Variants in DENND4C observed in about 807,000 individuals in gnomAD.
DENND4C encodes the protein DENN domain containing 4C, also known as DENN domain-containing protein 4C.
In DENND4C, 108 loss-of-function variants were observed where a neutral mutation model predicts 203.0. That is an observed-to-expected ratio of 0.53 (90% confidence interval 0.46 to 0.62). The LOEUF is 0.62. DENND4C is among the 20% of genes least tolerant of loss of function. The pLI is 0.00. For synonymous variants in DENND4C, 871 were observed against 792.4 expected (o/e 1.10, Z -1.67); for missense variants, 2,481 against 2,301.2 (o/e 1.08, Z -1.60).
rs1407866130 is a variant in DENND4C, at chr9:19,296,154, CT to C, written c.949del (p.Ser317HisfsTer60). On this transcript the variant is annotated frameshift_variant, in exon 6 of 33. Transcript: ENST00000434457. LOFTEE classifies it high-confidence loss of function. ...INTNKCICLL[S>X]HWPFFEAFRK... The stretch of plus-strand genomic sequence containing the variant: ...ATACAAACAAATGCATTTGTTTACT[CT>C]CACACTGGCCTTTTTTTGAAGCTTT... The C allele has an allele frequency of 6.2e-7, 1 of 1,614,008 alleles. No homozygotes were observed.
At chr9:19,248,801 T>C (rs1825861723) in intron 1 of DENND4C, among the ~76,000 whole-genome samples, 2 of 99,310 alleles carry the variant, frequency 2.0e-5, no homozygotes, top group South Asian at 9.8e-4. Flanking sequence ...ATAGCACCTA[T>C]GGTTTTTTTT....
intron 1 of DENND4C, among the ~76,000 whole-genome samples, chr9:19,263,354 GTTTGTTTA>G (rs942335735): frequency 6.6e-6 from 1 of 151,888 alleles, no homozygotes; most frequent in African/African-American, 2.4e-5. Flanking sequence ...TTTTTTGTTT[GTTTGTTTA>G]TTTGTTTTTT....
At chr9:19,335,541 A>T (rs943244941) in intron 18 of DENND4C, among the ~76,000 whole-genome samples, 1 of 151,786 alleles carries the variant, frequency 6.6e-6, no homozygotes, top group Admixed American at 6.6e-5. Flanking sequence ...TGGTAACCAT[A>T]CTTCTAGTCT....
intron 1 of DENND4C, among the ~76,000 whole-genome samples, chr9:19,254,712 GT>G (rs1416572748): frequency 1.3e-5 from 2 of 152,196 alleles, no homozygotes; most frequent in Admixed American, 1.3e-4. Context: ...ACTATGGGTG[GT>G]GGTGTTGATT....
chr9:19,313,089 G>GT (rs1380434061), intron 10 of DENND4C, among the ~76,000 whole-genome samples: 5 of 151,686 alleles, frequency 3.3e-5, no homozygotes, highest in African/African-American at 7.3e-5. Context: ...GAATTATTCT[G>GT]TTTTTTTCCC....
chr9:19,357,205 T>C, intron 27 of DENND4C, 51 bp downstream of exon 27: 1 of 1,593,010 alleles, frequency 6.3e-7, no homozygotes, highest in Non-Finnish European at 8.6e-7. Context: ...GGGGTACCCT[T>C]GTAAAAATTC....
At chr9:19,369,094 G>C (rs987341427) in intron 30 of DENND4C, among the ~76,000 whole-genome samples, 1 of 152,198 alleles carries the variant, frequency 6.6e-6, no homozygotes, top group East Asian at 1.9e-4. Flanking sequence ...AGGTTACAAT[G>C]ATCAGCCACT....
intron 1 of DENND4C, among the ~76,000 whole-genome samples, chr9:19,260,468 G>A (rs1354613449): frequency 6.6e-6 from 1 of 151,932 alleles, no homozygotes; most frequent in African/African-American, 2.4e-5. Context: ...CATGATCTCG[G>A]CTTACTGCAA....
intron 31 of DENND4C, among the ~76,000 whole-genome samples, chr9:19,370,648 G>A (rs1027724568): frequency 6.6e-6 from 1 of 152,156 alleles, no homozygotes; most frequent in African/African-American, 2.4e-5. Flanking sequence ...GGACATAAGA[G>A]AATATGGGAA....
Position 19,357,119 on chromosome 9 carries a change from C to G in DENND4C, c.4929C>G (p.Ile1643Met). ...NFMDFPKHNQ[I>M]ITEETGSAVE... ...TGGACTTCCCAAAACATAACCAGAT[C>G]ATAACTGAAGAAACAGGCTCTGCAG... Residue 1643 changes from isoleucine to methionine, a missense_variant, in exon 27 of 33, where the codon ATC (isoleucine) becomes ATG (methionine). Ile to Met is a conservative substitution (Grantham distance 10, BLOSUM62 1). This residue lies in a region of DENND4C where 2,289 missense variants were observed against 2,113.3 expected (regional missense o/e 1.08). Transcript: ENST00000434457. 1 of 1,613,850 alleles carries G rather than the reference C, an allele frequency of 6.2e-7. No homozygotes were observed. The highest frequency in any genetic ancestry group is 1.1e-5 in the South Asian group (1 of 91,070).
chr9:19,242,603 G>T (rs546238979), intron 1 of DENND4C, among the ~76,000 whole-genome samples: 48 of 151,310 alleles, frequency 3.2e-4, no homozygotes, highest in African/African-American at 9.9e-4. Context: ...CAGTTTTTTT[G>T]ATTGTAGCTA....
At chr9:19,267,749 G>A (rs540908516) in intron 1 of DENND4C, among the ~76,000 whole-genome samples, 1 of 151,906 alleles carries the variant, frequency 6.6e-6, no homozygotes, top group Non-Finnish European at 1.5e-5. Flanking sequence ...ATCTTGCCCA[G>A]GCTAGTCTCA....
At position 19,263,575 on chromosome 9, in the gene DENND4C, T is replaced by C. The variant is rs146652682; in HGVS notation, c.-17-12583T>C. The stretch of plus-strand genomic sequence containing the variant: ...GGTTTCACCCTGTTGGCCAAGCTGG[T>C]CTTGAATTAGGTTTGCTATTGTTTT... On this transcript the variant is annotated intron_variant, in intron 1 of 32. Transcript: ENST00000434457. Among the ~76,000 whole-genome samples the C allele has an allele frequency of 5.6e-3, 847 of 152,122 alleles. 3 individuals are homozygous for C. Among genetic ancestry groups the C allele is most frequent in the Non-Finnish European group, 8.0e-3 (543 of 67,990 alleles).
At chr9:19,371,443 G>T in intron 31 of DENND4C, 1 of 184,240 alleles carries the variant, frequency 5.4e-6, no homozygotes, top group Non-Finnish European at 1.1e-5. Flanking sequence ...TTGTTGAAAT[G>T]TAATAAAGTT....
intron 23 of DENND4C, among the ~76,000 whole-genome samples, chr9:19,349,221 A>C (rs1293984191): frequency 1.3e-5 from 2 of 152,076 alleles, no homozygotes; most frequent in East Asian, 3.9e-4. Context: ...AGCATGGGCA[A>C]CATGGTGAAA....
At chr9:19,363,300 G>A (rs552937148) in intron 30 of DENND4C, among the ~76,000 whole-genome samples, 1 of 152,102 alleles carries the variant, frequency 6.6e-6, no homozygotes, top group East Asian at 1.9e-4. Flanking sequence ...TGGATCACGA[G>A]GTCAGGAGTT....
chr9:19,261,539 A>G (rs553035878), intron 1 of DENND4C, among the ~76,000 whole-genome samples: 13 of 150,586 alleles, frequency 8.6e-5, no homozygotes, highest in Non-Finnish European at 1.3e-4. Flanking sequence ...GTCTCACACT[A>G]TTGTACAGGC....
intron 1 of DENND4C, among the ~76,000 whole-genome samples, chr9:19,254,914 C>G (rs1417736247): frequency 6.7e-6 from 1 of 149,854 alleles, no homozygotes; most frequent in Admixed American, 6.6e-5. Context: ...TGTAGATCAT[C>G]TTGAGGTCAG....
chr9:19,366,779 A>G (rs1373988865), intron 30 of DENND4C, among the ~76,000 whole-genome samples: 1 of 152,224 alleles, frequency 6.6e-6, no homozygotes, highest in Non-Finnish European at 1.5e-5. Flanking sequence ...GTAAATCTTC[A>G]TGACTCCGTG....
Sources: allele counts gnomAD v4.1 joint callset (sites outside exome capture counted in the v4.1 genomes callset), GRCh38; gene constraint gnomAD v4.1.1; regional missense constraint gnomAD v4.1.1; transcripts MANE v1.5; gene names NCBI Gene and HGNC (gene_info 2026-07-23, HGNC 2026-07-21).